Variants in TTC12 observed in about 807,000 individuals in gnomAD.
TTC12 encodes tetratricopeptide repeat protein 12.
In TTC12, 70 loss-of-function variants were observed where a neutral mutation model predicts 90.1. The observed-to-expected ratio is 0.78, with a 90% CI of 0.64 to 0.95. The LOEUF is 0.95. Among genes scored for constraint, TTC12 ranks in the 40% least tolerant of loss-of-function variants. TTC12 has a pLI of 0.00. For synonymous variants in TTC12, 296 were observed against 311.5 expected, an observed-to-expected ratio of 0.95 and a Z score of 0.53; for missense variants, 819 against 846.1, an observed-to-expected ratio of 0.97 and a Z score of 0.40.
downstream of TTC12, among the ~76,000 whole-genome samples, chr11:113,367,165 T>G (rs781103783): frequency 4.6e-5 from 7 of 152,206 alleles, no homozygotes; most frequent in African/African-American, 7.2e-5. Flanking sequence ...GCATTATCTC[T>G]GGCTCCTTAC....
chr11:113,367,037 C>G (rs925895679), downstream of TTC12, among the ~76,000 whole-genome samples: 2 of 152,204 alleles, frequency 1.3e-5, no homozygotes, highest in Admixed American at 6.5e-5. Flanking sequence ...TTTCCCTAAC[C>G]CACCTTGTAC....
chr11:113,319,734 A>G (rs150302037), intron 2 of TTC12, among the ~76,000 whole-genome samples: 3 of 152,072 alleles, frequency 2.0e-5, no homozygotes, highest in Non-Finnish European at 4.4e-5. Flanking sequence ...TTTATTATAA[A>G]GCCATAGTAA....
chr11:113,318,554 G>T (rs546336477), intron 2 of TTC12, among the ~76,000 whole-genome samples: 9 of 152,156 alleles, frequency 5.9e-5, no homozygotes, highest in Non-Finnish European at 7.3e-5. Flanking sequence ...TTCTTTAAAG[G>T]CCCTATCTAC....
intron 16 of TTC12, among the ~76,000 whole-genome samples, chr11:113,353,359 G>C (rs1377141965): frequency 2.6e-5 from 4 of 152,050 alleles, no homozygotes; most frequent in African/African-American, 9.7e-5. Flanking sequence ...TATAGATGCT[G>C]GATATTAGAC....
At chr11:113,373,145 G>A (rs1950428547) in exon 22 of TTC12, 1 of 974,932 alleles carries the variant, frequency 1.0e-6, no homozygotes, top group Non-Finnish European at 1.2e-6. Context: ...GAGGTGCAAA[G>A]CAGTTAAGCA....
chr11:113,342,900 A>G lies in TTC12; in HGVS notation c.985+975A>G, dbSNP rs374649460. On this transcript the variant is annotated intron_variant, in intron 12 of 21. Coordinates refer to ENST00000529221, the MANE Select transcript of TTC12 (RefSeq NM_017868.4). ...AGGGCGAGGAAGGCAGGACTTGGCA[A>G]TGGTATGTCTACTCAGTGTGAATCT... Among the ~76,000 whole-genome samples the G allele has an allele frequency of 2.6e-5, 4 of 152,294 alleles. No homozygotes were observed. The East Asian group carries it at 5.8e-4, about 22-fold the overall frequency.
downstream of TTC12, chr11:113,368,243 C>G: frequency 6.6e-7 from 1 of 1,516,976 alleles, no homozygotes; most frequent in Non-Finnish European, 8.8e-7. Flanking sequence ...GCACCTGAAG[C>G]TCTGTCTCCT....
chr11:113,339,402 C>G lies in TTC12; in HGVS notation c.754C>G (p.Leu252Val), dbSNP rs781999126. The change falls in exon 10 of 22, where the codon CTT becomes GTT. Residue 252 changes from leucine (L) to valine (V), a missense_variant. Coordinates refer to ENST00000529221, the MANE Select transcript of TTC12 (RefSeq NM_017868.4). Reference sequence around the variant, plus strand: ...GACCACCAAGAACCTCCTGGAGACCCTTTCCAAGCCTGACCAGATCCCCTT... The same window carrying G: ...GACCACCAAGAACCTCCTGGAGACCGTTTCCAAGCCTGACCAGATCCCCTT... ...AVTTKNLLET[L>V]SKPDQIPLFY... The G allele has an allele frequency of 2.5e-6, 4 of 1,613,884 alleles. No homozygotes were observed. Among genetic ancestry groups the G allele is most frequent in the Non-Finnish European group, 3.4e-6 (4 of 1,180,022 alleles).
At chr11:113,368,715 G>T, downstream of TTC12, 2 of 574,216 alleles carry the variant, frequency 3.5e-6, no homozygotes, top group Non-Finnish European at 3.1e-6. Flanking sequence ...ACAGGTCACG[G>T]GCTGCTATTG....
At chr11:113,354,369 T>C (rs782260981) in intron 16 of TTC12, among the ~76,000 whole-genome samples, 3 of 152,204 alleles carry the variant, frequency 2.0e-5, no homozygotes, top group Non-Finnish European at 2.9e-5. Context: ...GGGCCAAGAC[T>C]GTGATTTTTT....
At chr11:113,337,454 G>A (rs1012565114) in intron 8 of TTC12, among the ~76,000 whole-genome samples, 2 of 152,172 alleles carry the variant, frequency 1.3e-5, no homozygotes, top group Non-Finnish European at 2.9e-5. Context: ...TAAAGGAATG[G>A]AGGGAGTGAC....
Position 113,352,054 on chromosome 11 carries a change from C to T in TTC12, c.1309-16C>T. 6.2e-7 allele frequency: 1 copy of T among 1,612,502 alleles called. No individual in the cohort carries two copies. The highest frequency in any genetic ancestry group is 8.5e-7 in the Non-Finnish European group (1 of 1,179,450). Reference sequence around the variant, plus strand: ...CCTGCTCTCTGAGGCTCTGCCTTCTCTCAATTCTCATTTAGAAGACAGATC... The same window carrying T: ...CCTGCTCTCTGAGGCTCTGCCTTCTTTCAATTCTCATTTAGAAGACAGATC... On this transcript the variant is annotated splice_polypyrimidine_tract_variant and intron_variant, in intron 15 of 21. Coordinates refer to ENST00000529221, the MANE Select transcript of TTC12 (RefSeq NM_017868.4).
intron 16 of TTC12, among the ~76,000 whole-genome samples, chr11:113,354,240 G>A (rs370964836): frequency 1.3e-5 from 2 of 152,028 alleles, no homozygotes; most frequent in Non-Finnish European, 2.9e-5. Flanking sequence ...ATGAGATTGC[G>A]TTTCTCATTT....
At chr11:113,360,535 A>G (rs1490103107) in intron 18 of TTC12, among the ~76,000 whole-genome samples, 1 of 152,264 alleles carries the variant, frequency 6.6e-6, no homozygotes, top group East Asian at 1.9e-4. Flanking sequence ...TGACATTTGA[A>G]TAAGAAAACT....
downstream of TTC12, among the ~76,000 whole-genome samples, chr11:113,369,570 C>G (rs1950327642): frequency 6.6e-6 from 1 of 152,104 alleles, no homozygotes; most frequent in South Asian, 2.1e-4. Context: ...ATAGTACTTT[C>G]CCACCCAGGA....
chr11:113,351,322 C>A, intron 15 of TTC12, 23 bp downstream of exon 15: 1 of 1,607,962 alleles, frequency 6.2e-7, no homozygotes, highest in Non-Finnish European at 8.5e-7. Flanking sequence ...TCATTTTCAT[C>A]CTCTGTAACA....
rs779080839 is a variant in TTC12 at position 113,364,928 on chromosome 11, A to G, written c.1910A>G (p.Asn637Ser). 4 of 1,614,174 alleles carry G rather than the reference A, an allele frequency of 2.5e-6. No individual in the cohort carries two copies. In the South Asian group the frequency reaches 3.3e-5, roughly 13 times the overall value. The change falls in exon 21 of 22, where the codon AAC (asparagine) becomes AGC (serine). Residue 637 changes from asparagine to serine, a missense_variant. Transcript: ENST00000529221. ...LCLGNCMEVP[N>S]VASSLLKTDL... ...CTTGGTAACTGCATGGAGGTGCCCA[A>G]CGTTGCGTCTTCCCTGCTAAAGACG...
chr11:113,359,345 CTTGTT>C lies in TTC12; in HGVS notation c.1447-11_1447-7del, dbSNP rs1555153742. ...GTAAGGCAAAAAGGTCATTGGTTAC[CTTGTT>C]TTGTTTCCCAAGGCCAGGTGTGAGG... is the stretch of plus-strand genomic sequence containing the variant. On this transcript the variant is annotated splice_polypyrimidine_tract_variant and intron_variant, in intron 16 of 21. Coordinates refer to ENST00000529221, the MANE Select transcript of TTC12 (RefSeq NM_017868.4). The C allele has an allele frequency of 5.1e-6, 8 of 1,569,844 alleles. No individual in the cohort carries two copies. The highest frequency in any genetic ancestry group is 1.4e-5 in the African/African-American group (1 of 73,944).
intron 7 of TTC12, among the ~76,000 whole-genome samples, chr11:113,334,535 T>C (rs1948241952): frequency 6.6e-6 from 1 of 152,062 alleles, no homozygotes; most frequent in African/African-American, 2.4e-5. Context: ...CTCTCAAACT[T>C]GCCTGCACAT....
Sources: gnomAD v4.1 joint callset for allele counts (sites outside exome capture counted in the v4.1 genomes callset) on GRCh38, gnomAD v4.1.1 for gene constraint, MANE v1.5 for transcripts, NCBI Gene and HGNC (gene_info 2026-07-23, HGNC 2026-07-21) for gene names.